The following ABCC1 variants were observed in gnomAD, a reference collection of about 807,000 sequenced individuals.
ABCC1 encodes the protein multidrug resistance-associated protein 1.
A neutral mutation model predicts 172.9 loss-of-function variants in ABCC1; 83 were observed. That is an observed-to-expected ratio of 0.48 (90% CI 0.40 to 0.58). The LOEUF (loss-of-function observed/expected upper bound fraction) is 0.58, where lower values mean the gene tolerates loss of function less well. Among genes scored for constraint, ABCC1 ranks in the 20% least tolerant of loss-of-function variants. The pLI, the probability that ABCC1 is intolerant of heterozygous loss-of-function variation, is 0.00. For missense variants in ABCC1, 1,817 were observed against 2,002.7 expected (o/e 0.91, Z 1.77); for synonymous variants, 937 against 825.2 (o/e 1.14, Z -2.32).
intron 1 of ABCC1, among the ~76,000 whole-genome samples, chr16:15,983,849 C>T (rs2046685630): frequency 6.6e-6 from 1 of 152,138 alleles, no homozygotes; most frequent in South Asian, 2.1e-4. Context: ...AGCCACCGCG[C>T]CTGGCCTTTA....
chr16:16,043,390 C>T (rs1280960806), intron 7 of ABCC1, among the ~76,000 whole-genome samples: 3 of 151,762 alleles, frequency 2.0e-5, no homozygotes, highest in African/African-American at 7.3e-5. Flanking sequence ...CCTCCGCCTC[C>T]TGGGTTTAAG....
intron 11 of ABCC1, among the ~76,000 whole-genome samples, chr16:16,053,055 A>G (rs1431935606): frequency 6.6e-6 from 1 of 152,026 alleles, no homozygotes; most frequent in Non-Finnish European, 1.5e-5. Flanking sequence ...AGGTCATTAT[A>G]TTGGGCAGCC....
At chr16:15,953,937 A>G (rs1452384910) in intron 1 of ABCC1, among the ~76,000 whole-genome samples, 1 of 150,948 alleles carries the variant, frequency 6.6e-6, no homozygotes, top group Non-Finnish European at 1.5e-5. Flanking sequence ...CCCCTCCTCC[A>G]AGTGTGGCTT....
At chr16:15,986,455 A>C (rs2046746296) in intron 1 of ABCC1, among the ~76,000 whole-genome samples, 1 of 152,196 alleles carries the variant, frequency 6.6e-6, no homozygotes, top group African/African-American at 2.4e-5. Flanking sequence ...ACCTCCTGTC[A>C]GATCAGTGGC....
chr16:16,124,891 C>T lies in ABCC1; in HGVS notation c.3693C>T (p.Gly1231=). Residue 1231 remains glycine (G), a synonymous_variant, in exon 25 of 31, where the codon GGC becomes GGT. Transcript: ENST00000399410. ...SRHSLSAGLV[G]LSVSYSLQVT... is the part of the protein sequence containing the mutation. The stretch of plus-strand genomic sequence containing the variant: ...ACAGCCTCAGTGCTGGCTTGGTGGG[C>T]CTCTCAGTGTCTTACTCATTGCAGG... The T allele has an allele frequency of 6.2e-7, 1 of 1,614,152 alleles. No individual in the cohort carries two copies. The highest frequency in any genetic ancestry group is 8.5e-7 in the Non-Finnish European group (1 of 1,180,026).
intron 19 of ABCC1, among the ~76,000 whole-genome samples, chr16:16,094,917 A>G (rs1201352885): frequency 6.7e-6 from 1 of 149,158 alleles, no homozygotes; most frequent in Non-Finnish European, 1.5e-5. Context: ...TCCCGGGTTC[A>G]AGAAATTCTT....
intron 18 of ABCC1, among the ~76,000 whole-genome samples, chr16:16,090,055 C>T (rs1225013006): frequency 2.0e-5 from 3 of 152,206 alleles, no homozygotes; most frequent in Non-Finnish European, 4.4e-5. Context: ...TTGGTACACC[C>T]GTTCCCCTTT....
chr16:16,075,551 C>T (rs45495396), intron 14 of ABCC1, among the ~76,000 whole-genome samples: 4 of 152,168 alleles, frequency 2.6e-5, no homozygotes, highest in African/African-American at 7.2e-5. Context: ...GAATCGCCTG[C>T]GCCTGGGAGA....
rs1249129177 is a variant in ABCC1, at chr16:16,141,376, T to C, written c.*95T>C. The stretch of plus-strand genomic sequence containing the variant: ...CCCTGGTAAACCAAGCCTCCCACAC[T>C]GAAACCAAAACATAAAAACCAAACC... On this transcript the variant is annotated 3_prime_UTR_variant, in exon 31 of 31. Coordinates refer to ENST00000399410, the MANE Select transcript of ABCC1 (RefSeq NM_004996.4). 1 of 1,189,636 alleles carries C rather than the reference T, an allele frequency of 8.4e-7. No homozygotes were observed. The highest frequency in any genetic ancestry group is 2.4e-5 in the East Asian group (1 of 41,860). 73.7% of individuals were successfully genotyped at this position (1,189,636 alleles called of 1,614,324 possible).
At chr16:16,093,198 T>G (rs1233514732) in intron 19 of ABCC1, among the ~76,000 whole-genome samples, 1 of 152,102 alleles carries the variant, frequency 6.6e-6, no homozygotes, top group East Asian at 1.9e-4. Flanking sequence ...AACTTCTCGG[T>G]GACTTTTTCA....
At chr16:16,009,654 ACT>A (rs1047330918) in intron 2 of ABCC1, 120 bp from the exon 3 acceptor site, 1 of 1,063,328 alleles carries the variant, frequency 9.4e-7, no homozygotes, top group Non-Finnish European at 1.3e-6. Flanking sequence ...ATGTCCTAGG[ACT>A]GTGGCTGATC....
chr16:16,014,781 C>A (rs974109567), intron 4 of ABCC1, among the ~76,000 whole-genome samples, 153 bp downstream of exon 4: 1 of 152,182 alleles, frequency 6.6e-6, no homozygotes, highest in African/African-American at 2.4e-5. Context: ...CTTTCCTACC[C>A]CACCAAATCC....
intron 4 of ABCC1, among the ~76,000 whole-genome samples, chr16:16,015,599 C>G (rs986106784): frequency 6.6e-6 from 1 of 152,224 alleles, no homozygotes; most frequent in African/African-American, 2.4e-5. Context: ...TTCATGTTTT[C>G]AAAGTGCCTC....
intron 14 of ABCC1, among the ~76,000 whole-genome samples, chr16:16,072,589 A>G (rs2050393247): frequency 6.6e-6 from 1 of 150,974 alleles, no homozygotes; most frequent in South Asian, 2.1e-4. Flanking sequence ...CCTCTGCCTC[A>G]GCCTCCCAAA....
At chr16:16,034,108 G>T (rs1329687641) in intron 6 of ABCC1, among the ~76,000 whole-genome samples, 1 of 131,854 alleles carries the variant, frequency 7.6e-6, no homozygotes, top group Non-Finnish European at 1.5e-5. Context: ...GCTCACTGCA[G>T]TCCCAATCTA....
chr16:16,083,551 A>C lies in ABCC1; in HGVS notation c.2292+9A>C. 1 of 1,599,274 alleles carries C rather than the reference A, an allele frequency of 6.3e-7. No homozygotes were observed. The highest frequency in any genetic ancestry group is 8.6e-7 in the Non-Finnish European group (1 of 1,168,490). On this transcript the variant is annotated intron_variant, in intron 17 of 30. Transcript: ENST00000399410. ...CAGAGATTGGCGAGAAGGTCAGTAT[A>C]GGTTGGATGTTGGCCCCTGAATCAG...
rs768390508 is a variant in ABCC1 at position 16,045,884 on chromosome 16, C to T, written c.1089C>T (p.Gly363=). The change falls in exon 9 of 31, where the codon GGC becomes GGT. Residue 363 remains glycine, a synonymous_variant. Transcript: ENST00000399410. ...VNDTKAPDWQ[G]YFYTVLLFVT... is the part of the protein sequence containing the mutation. The stretch of plus-strand genomic sequence containing the variant: ...ACACGAAGGCCCCAGACTGGCAGGG[C>T]TACTTCTACACCGTGCTGCTGTTTG... 3 of 1,614,076 alleles carry T rather than the reference C, an allele frequency of 1.9e-6. No homozygotes were observed. Among genetic ancestry groups the T allele is most frequent in the East Asian group, 4.5e-5 (2 of 44,880 alleles).
chr16:16,122,999 T>G (rs2045234310), intron 24 of ABCC1, among the ~76,000 whole-genome samples: 2 of 152,120 alleles, frequency 1.3e-5, no homozygotes, highest in Non-Finnish European at 2.9e-5. Flanking sequence ...TTTAGAGAAG[T>G]GTCCCTCTCA....
intron 17 of ABCC1, 54 bp from the exon 18 acceptor site, chr16:16,086,770 T>C (rs1282144772): frequency 1.3e-6 from 2 of 1,594,822 alleles, no homozygotes; most frequent in Admixed American, 3.4e-5. Flanking sequence ...CTTCTACGTA[T>C]TGTGAGTCTC....
Sources: gnomAD v4.1 joint callset for allele counts (sites outside exome capture counted in the v4.1 genomes callset) on GRCh38, gnomAD v4.1.1 for gene constraint, MANE v1.5 for transcripts, NCBI Gene and HGNC (gene_info 2026-07-23, HGNC 2026-07-21) for gene names.